The following ARID2 variants were observed in gnomAD, a reference collection of about 807,000 sequenced individuals.
The protein encoded by ARID2 is AT-rich interactive domain-containing protein 2.
ARID2 carries 32 observed loss-of-function variants against 184.6 expected under a neutral mutation model. The ratio of observed to expected loss-of-function variants is 0.17; its 90% CI spans 0.13 to 0.23. The LOEUF (loss-of-function observed/expected upper bound fraction) is 0.23, where lower values mean the gene tolerates loss of function less well. Among genes scored for constraint, ARID2 ranks in the 10% least tolerant of loss-of-function variants. The probability of loss-of-function intolerance (pLI) is 1.00; values close to 1 mark genes in which losing one functional copy is unlikely to be tolerated. For synonymous variants in ARID2, 836 were observed against 772.6 expected (o/e 1.08, Z -1.36); for missense variants, 1,696 against 2,197.6 (o/e 0.77, Z 4.56).
chr12:45,848,999 C>G (rs368905136), intron 13 of ARID2, 29 bp downstream of exon 13: 1 of 1,590,962 alleles, frequency 6.3e-7, no homozygotes, highest in South Asian at 1.1e-5. Context: ...TAAATAAAGT[C>G]CATTTACGTC....
intron 15 of ARID2, among the ~76,000 whole-genome samples, chr12:45,854,298 TA>T (rs1327449128): frequency 6.6e-6 from 1 of 152,216 alleles, no homozygotes; most frequent in Admixed American, 6.5e-5. Context: ...AAGTGCTTAA[TA>T]AATGTAATGC....
chr12:45,887,101 C>G lies in ARID2; in HGVS notation c.4923-4679C>G, dbSNP rs565233182. Among the ~76,000 whole-genome samples the G allele has an allele frequency of 2.7e-4, 41 of 152,282 alleles. No homozygotes were observed. The South Asian group carries it at 8.5e-3, about 32-fold the overall frequency. On this transcript the variant is annotated intron_variant, in intron 16 of 20. Coordinates refer to ENST00000334344, the MANE Select transcript of ARID2 (RefSeq NM_152641.4). Reference sequence around the variant, plus strand: ...TGAATATTTGCTCAGTTGAACCAAACAGCTCTTCACTGGAATAAAAGAAAA... The same window carrying G: ...TGAATATTTGCTCAGTTGAACCAAAGAGCTCTTCACTGGAATAAAAGAAAA...
intron 3 of ARID2, among the ~76,000 whole-genome samples, chr12:45,787,218 CTT>C (rs1273672108): frequency 3.9e-4 from 53 of 136,628 alleles, no homozygotes; most frequent in Admixed American, 5.9e-4. Flanking sequence ...TATTTCTTTT[CTT>C]TTTTTTTTTT....
At position 45,904,962 on chromosome 12, in the gene ARID2, T is replaced by C. The variant is rs367794476; in HGVS notation, c.5392T>C (p.Ser1798Pro). 6.2e-7 allele frequency: 1 copy of C among 1,613,916 alleles called. No individual in the cohort carries two copies. Among genetic ancestry groups the C allele is most frequent in the Non-Finnish European group, 8.5e-7 (1 of 1,179,950 alleles). Residue 1798 changes from serine (S) to proline (P), a missense_variant, in exon 21 of 21, where the codon TCA (serine) becomes CCA (proline). This residue lies in a region of ARID2 where 69 missense variants were observed against 118.2 expected (regional missense o/e 0.58). Transcript: ENST00000334344. Reference sequence around the variant, plus strand: ...GTTAAAGAGACATGAAAATAACTTATCAGTGCTAGCCATTAGTAACATGGA... The same window carrying C: ...GTTAAAGAGACATGAAAATAACTTACCAGTGCTAGCCATTAGTAACATGGA... ...RLLKRHENNLSVLAISNMEAS... is the reference protein window; with the variant it reads ...RLLKRHENNLPVLAISNMEAS...
chr12:45,825,506 T>C (rs1942979038), intron 6 of ARID2, among the ~76,000 whole-genome samples: 1 of 152,194 alleles, frequency 6.6e-6, no homozygotes, highest in Non-Finnish European at 1.5e-5. Context: ...TCTTTAGGTT[T>C]AACTAACAAA....
intron 3 of ARID2, among the ~76,000 whole-genome samples, chr12:45,770,753 G>A (rs908297792): frequency 6.6e-6 from 1 of 152,126 alleles, no homozygotes; most frequent in African/African-American, 2.4e-5. Flanking sequence ...CCACTCAGAG[G>A]TGGGCACAGC....
intron 20 of ARID2, among the ~76,000 whole-genome samples, chr12:45,899,671 T>TTATA (rs375466100): frequency 0.099 from 4,437 of 44,918 alleles, 323 homozygotes; most frequent in African/African-American, 0.2. Context: ...ATATATATGG[T>TTATA]TATATATGGT....
Position 45,852,635 on chromosome 12 carries a change from G to A in ARID2, c.4512G>A (p.Arg1504=), listed in dbSNP as rs746999369. Residue 1504 remains arginine, a synonymous_variant, in exon 15 of 21, where the codon CGG becomes CGA. Coordinates refer to ENST00000334344, the MANE Select transcript of ARID2 (RefSeq NM_152641.4). ...CTCCTGCCCTATCATCTGACGTTCG[G>A]TCTACAAATGGCACAGCAGAATGCA... is the stretch of plus-strand genomic sequence containing the variant. ...SHSPALSSDV[R]STNGTAECKT... 8.1e-6 allele frequency: 13 copies of A among 1,614,124 alleles called. No homozygotes were observed. Among genetic ancestry groups the A allele is most frequent in the Non-Finnish European group, 1.0e-5 (12 of 1,179,996 alleles).
At chr12:45,872,667 G>A (rs1943945067) in intron 16 of ARID2, among the ~76,000 whole-genome samples, 1 of 152,212 alleles carries the variant, frequency 6.6e-6, no homozygotes, top group African/African-American at 2.4e-5. Context: ...GAGAACAGCA[G>A]CACGGGCGTA....
chr12:45,754,491 C>G (rs746272312), intron 3 of ARID2, among the ~76,000 whole-genome samples: 30 of 152,330 alleles, frequency 2.0e-4, no homozygotes, highest in Middle Eastern at 3.4e-3. Flanking sequence ...CCAAGCATGC[C>G]AAGTTTTTCT....
intron 16 of ARID2, among the ~76,000 whole-genome samples, chr12:45,863,833 TC>T: frequency 7.3e-6 from 1 of 137,220 alleles, no homozygotes; most frequent in African/African-American, 2.7e-5. Context: ...TTTTTCTTTT[TC>T]TTTTTCTTTC....
intron 6 of ARID2, among the ~76,000 whole-genome samples, chr12:45,826,453 T>A (rs2138106944): frequency 6.6e-6 from 1 of 152,262 alleles, no homozygotes; most frequent in East Asian, 1.9e-4. Context: ...ACAGTCTTAC[T>A]CTTATCACCC....
chr12:45,746,707 A>T (rs1359267291), intron 3 of ARID2, among the ~76,000 whole-genome samples: 1 of 152,126 alleles, frequency 6.6e-6, no homozygotes. Flanking sequence ...GGTATTATAG[A>T]TGAGAAAACA....
At chr12:45,878,605 C>T (rs1944049365) in intron 16 of ARID2, among the ~76,000 whole-genome samples, 1 of 152,100 alleles carries the variant, frequency 6.6e-6, no homozygotes, top group Admixed American at 6.5e-5. Context: ...CATCTCATCT[C>T]TGCTTACATT....
In ARID2 at chr12:45,865,613, A is replaced by AC. The variant is rs1263246661; in HGVS notation, c.4922+4669dup. Among the ~76,000 whole-genome samples, 4 of 151,818 alleles carry AC rather than the reference A, an allele frequency of 2.6e-5. 1 individual carries two copies. Among genetic ancestry groups the AC allele is most frequent in the African/African-American group, 9.7e-5 (4 of 41,432 alleles). On this transcript the variant is annotated intron_variant, in intron 16 of 20. Transcript: ENST00000334344. ...TTCTCTGTGCCCAAATTGTAGAAGA[A>AC]CCCCCATGTTTTTATTTAGAACTTA... is the stretch of plus-strand genomic sequence containing the variant.
chr12:45,835,531 A>G (rs1031048798), intron 6 of ARID2, among the ~76,000 whole-genome samples: 1 of 152,150 alleles, frequency 6.6e-6, no homozygotes, highest in African/African-American at 2.4e-5. Flanking sequence ...TGAAATATAC[A>G]CATAATGTCA....
chr12:45,787,273 G>A (rs902996476), intron 3 of ARID2, among the ~76,000 whole-genome samples: 3 of 150,476 alleles, frequency 2.0e-5, no homozygotes, highest in Non-Finnish European at 4.4e-5. Context: ...GCTGGAGCAC[G>A]GTGGCACAAT....
intron 20 of ARID2, 64 bp downstream of exon 20, chr12:45,893,785 A>C: frequency 7.9e-7 from 1 of 1,261,552 alleles, no homozygotes; most frequent in Non-Finnish European, 1.1e-6. Context: ...ATATAAGTTA[A>C]TAAAATTAGA....
At chr12:45,786,816 A>G (rs889097297) in intron 3 of ARID2, among the ~76,000 whole-genome samples, 10 of 152,250 alleles carry the variant, frequency 6.6e-5, no homozygotes, top group Non-Finnish European at 1.3e-4. Flanking sequence ...AGCCGTAAAA[A>G]AGAACAAAAT....
Sources: gnomAD v4.1 joint callset for allele counts (sites outside exome capture counted in the v4.1 genomes callset) on GRCh38, gnomAD v4.1.1 for gene constraint, gnomAD v4.1.1 regional missense constraint, MANE v1.5 for transcripts, NCBI Gene and HGNC (gene_info 2026-07-23, HGNC 2026-07-21) for gene names.